PKP1: variants seen among roughly 807,000 people sequenced by gnomAD.
The protein encoded by PKP1 is plakophilin 1, also known as plakophilin-1.
In PKP1, 27 loss-of-function variants were observed where a neutral mutation model predicts 76.4. The observed-to-expected ratio is 0.35, with a 90% CI of 0.26 to 0.49. The LOEUF is 0.49. Among genes scored for constraint, PKP1 ranks in the 20% least tolerant of loss-of-function variants. PKP1 has a pLI of 0.99. For synonymous variants in PKP1, 404 were observed against 384.2 expected (o/e 1.05, Z -0.60); for missense variants, 964 against 955.2 (o/e 1.01, Z -0.12).
chr1:201,326,907 G>A (rs1657142653), intron 12 of PKP1, among the ~76,000 whole-genome samples: 1 of 152,224 alleles, frequency 6.6e-6, no homozygotes, highest in Non-Finnish European at 1.5e-5. Context: ...TGCCAGAAGG[G>A]GCTGAAGACC....
chr1:201,313,037 C>A (rs1289489432), intron 2 of PKP1, 129 bp from the exon 3 acceptor site: 4 of 981,842 alleles, frequency 4.1e-6, no homozygotes, highest in Middle Eastern at 4.1e-4. Context: ...AGGTTCCTTC[C>A]ACGCCAAACA....
chr1:201,314,092 A>G (rs1315517616), intron 3 of PKP1, among the ~76,000 whole-genome samples: 2 of 152,366 alleles, frequency 1.3e-5, no homozygotes, highest in East Asian at 1.9e-4. Context: ...CGGGAATAGA[A>G]TGGGTTTCAG....
intron 9 of PKP1, among the ~76,000 whole-genome samples, chr1:201,323,595 T>C (rs141514864): frequency 1.3e-5 from 2 of 152,272 alleles, no homozygotes; most frequent in African/African-American, 4.8e-5. Flanking sequence ...AGAGAAGATG[T>C]GACAGAATCC....
intron 7 of PKP1, among the ~76,000 whole-genome samples, chr1:201,321,373 G>A (rs1222607295): frequency 6.6e-6 from 1 of 152,214 alleles, no homozygotes; most frequent in Non-Finnish European, 1.5e-5. Flanking sequence ...TCCTTTGGAG[G>A]TTTGCCAAAG....
chr1:201,328,484 A>G (rs1558198074), intron 12 of PKP1: 6 of 504,024 alleles, frequency 1.2e-5, no homozygotes, highest in Non-Finnish European at 1.1e-5. Flanking sequence ...AAATAATACT[A>G]GCCTAAATCC....
chr1:201,304,878 T>C (rs1656329934), intron 2 of PKP1, among the ~76,000 whole-genome samples: 1 of 152,224 alleles, frequency 6.6e-6, no homozygotes, highest in Admixed American at 6.5e-5. Flanking sequence ...TTCTCTGAGC[T>C]TAATATGCTC....
At chr1:201,284,090 C>A (rs1655655704) in intron 1 of PKP1, among the ~76,000 whole-genome samples, 186 bp downstream of exon 1, 1 of 152,184 alleles carries the variant, frequency 6.6e-6, no homozygotes, top group African/African-American at 2.4e-5. Flanking sequence ...GGTGTAAACG[C>A]GACCCGAGGC....
At position 201,323,141 on chromosome 1, in the gene PKP1, G is replaced by C; in HGVS notation, c.1632G>C (p.Leu544=). 1 of 1,614,120 alleles carries C rather than the reference G, an allele frequency of 6.2e-7. No homozygotes were observed. The stretch of plus-strand genomic sequence containing the variant: ...GCAAGAGCAAGAAAGATGCTACCCT[G>C]GAGGCCTGTGCTGGTGCCCTGCAGA... ...LMGKSKKDAT[L]EACAGALQNL... Residue 544 remains leucine, a synonymous_variant, in exon 9 of 14, where the codon CTG becomes CTC. Transcript: ENST00000367324.
At position 201,283,730 on chromosome 1, in the gene PKP1, T is replaced by C; in HGVS notation, c.28T>C (p.Leu10=). The C allele has an allele frequency of 1.2e-6, 2 of 1,614,012 alleles. No individual in the cohort carries two copies. Among genetic ancestry groups the C allele is most frequent in the Non-Finnish European group, 1.7e-6 (2 of 1,179,882 alleles). The part of the protein sequence containing the change: MNHSPLKTA[L]AYECFQDQDN... Reference sequence around the variant, plus strand: ...GAACCACTCGCCGCTCAAGACCGCCTTGGCGTACGAATGCTTCCAGGACCA... The same window carrying C: ...GAACCACTCGCCGCTCAAGACCGCCCTGGCGTACGAATGCTTCCAGGACCA... The change falls in exon 1 of 14, where the codon TTG becomes CTG. Residue 10 remains leucine, a synonymous_variant. Transcript: ENST00000367324.
chr1:201,322,153 G>T lies in PKP1; in HGVS notation c.1503+20G>T, dbSNP rs751508720. On this transcript the variant is annotated intron_variant, in intron 8 of 13. Transcript: ENST00000367324. ...ATGATGGTGAGCACAGCATCAGCAG[G>T]GCGGGGCCTGCCCCATCAAGCACCC... 2 of 1,607,256 alleles carry T rather than the reference G, an allele frequency of 1.2e-6. No homozygotes were observed. The highest frequency in any genetic ancestry group is 1.3e-5 in the African/African-American group (1 of 74,920).
At chr1:201,313,667 A>G (rs1422292547) in intron 3 of PKP1, 107 bp downstream of exon 3, 5 of 1,200,388 alleles carry the variant, frequency 4.2e-6, no homozygotes, top group Non-Finnish European at 5.8e-6. Context: ...GGAGAGACAT[A>G]GCTTCTGTCC....
At chr1:201,285,162 G>A (rs960017513) in intron 1 of PKP1, among the ~76,000 whole-genome samples, 3 of 151,924 alleles carry the variant, frequency 2.0e-5, no homozygotes, top group African/African-American at 7.3e-5. Context: ...AGGAGAGAGT[G>A]AGGGGCAGGG....
intron 2 of PKP1, among the ~76,000 whole-genome samples, chr1:201,306,204 C>T (rs989678016): frequency 6.6e-6 from 1 of 152,162 alleles, no homozygotes; most frequent in Non-Finnish European, 1.5e-5. Flanking sequence ...AGAAACATTT[C>T]GGAAAACCTG....
rs185350348 is a variant in PKP1 at position 201,317,050 on chromosome 1, C to T, written c.846+353C>T. The stretch of plus-strand genomic sequence containing the variant: ...CCTCCTACCTGCTTCCTCTCTCCCA[C>T]TCCCCTTCTCTCTCCAGGCATCTTA... On this transcript the variant is annotated intron_variant, in intron 4 of 13. Coordinates refer to ENST00000367324, the MANE Select transcript of PKP1 (RefSeq NM_001005337.3). 1.3e-4 allele frequency among the ~76,000 whole-genome samples: 20 copies of T among 152,326 alleles called. No homozygotes were observed. The East Asian group carries it at 3.9e-3, about 29-fold the overall frequency.
intron 2 of PKP1, 101 bp from the exon 3 acceptor site, chr1:201,313,065 C>A (rs531557391): frequency 8.2e-5 from 100 of 1,219,122 alleles, no homozygotes; most frequent in Non-Finnish European, 1.0e-4. Flanking sequence ...ATTCTGTAAG[C>A]GTTATTATGG....
At chr1:201,292,873 C>T (rs2102153907) in intron 1 of PKP1, among the ~76,000 whole-genome samples, 1 of 152,294 alleles carries the variant, frequency 6.6e-6, no homozygotes, top group South Asian at 2.1e-4. Context: ...TCGTGGAGCT[C>T]CCAGTATAGC....
chr1:201,292,092 C>T (rs933676844), intron 1 of PKP1, among the ~76,000 whole-genome samples: 4 of 152,186 alleles, frequency 2.6e-5, no homozygotes, highest in Admixed American at 2.6e-4. Context: ...AGGGCTAGGC[C>T]TGGAGTATAG....
At chr1:201,328,715 G>A in intron 12 of PKP1, 47 bp from the exon 13 acceptor site, 19 of 1,549,902 alleles carry the variant, frequency 1.2e-5, no homozygotes, top group Non-Finnish European at 1.7e-5. Flanking sequence ...CCCACAGCAA[G>A]CCCCACACAG....
chr1:201,326,759 G>A (rs1657138823), intron 12 of PKP1, among the ~76,000 whole-genome samples: 1 of 152,214 alleles, frequency 6.6e-6, no homozygotes, highest in Non-Finnish European at 1.5e-5. Flanking sequence ...GTTCAGGCAG[G>A]CGAAGCCATG....
Sources: gnomAD v4.1 joint callset for allele counts (sites outside exome capture counted in the v4.1 genomes callset) on GRCh38, gnomAD v4.1.1 for gene constraint, MANE v1.5 for transcripts, NCBI Gene and HGNC (gene_info 2026-07-23, HGNC 2026-07-21) for gene names.